The following PDZD9 variants were observed in gnomAD, a reference collection of about 807,000 sequenced individuals.
PDZD9 encodes PDZ domain-containing protein 9.
PDZD9 carries 13 observed loss-of-function variants against 16.3 expected under a neutral mutation model. The ratio of observed to expected loss-of-function variants is 0.80; its 90% CI spans 0.52 to 1.27. PDZD9 has a LOEUF of 1.27. Ranked by LOEUF, PDZD9 falls within the 50% of genes most tolerant of loss-of-function variation. The probability of loss-of-function intolerance (pLI) is 0.00; values close to 1 mark genes in which losing one functional copy is unlikely to be tolerated. For synonymous variants in PDZD9, 120 were observed against 111.0 expected, an observed-to-expected ratio of 1.08 and a Z score of -0.51; for missense variants, 288 against 310.9, an observed-to-expected ratio of 0.93 and a Z score of 0.55.
intron 2 of PDZD9, among the ~76,000 whole-genome samples, chr16:21,990,551 A>G (rs974304022): frequency 2.0e-5 from 3 of 152,222 alleles, no homozygotes; most frequent in African/African-American, 7.2e-5. Context: ...ACAATCAACC[A>G]TGTATCTGAA....
chr16:21,979,439 T>C (rs56036711), downstream of PDZD9, among the ~76,000 whole-genome samples: 89,239 of 152,028 alleles, frequency 0.59, 31,075 homozygotes, highest in Non-Finnish European at 0.78. Flanking sequence ...CAGACAAATC[T>C]AGATGGTATA....
At chr16:21,963,812 A>G in the PDZD9 span, among the ~76,000 whole-genome samples, 1 of 151,996 alleles carries the variant, frequency 6.6e-6, no homozygotes, top group Admixed American at 6.6e-5. Flanking sequence ...CAAATCCTAC[A>G]CCAGTTTATT....
the PDZD9 span, among the ~76,000 whole-genome samples, chr16:21,966,827 T>C: frequency 6.6e-6 from 1 of 152,214 alleles, no homozygotes; most frequent in African/African-American, 2.4e-5. Context: ...AGGATGGCTA[T>C]TGTAATACTA....
rs747966025 is a variant in PDZD9, at chr16:21,984,413, T to C, written c.649A>G (p.Arg217Gly). 6.2e-7 allele frequency: 1 copy of C among 1,614,190 alleles called. No individual in the cohort carries two copies. Among genetic ancestry groups the C allele is most frequent in the South Asian group, 1.1e-5 (1 of 91,086 alleles). The part of the protein sequence containing the change: ...MIHRDDKKEV[R>G]APSPYWIMVK... ...ATTATCCAGTATGGAGAAGGGGCCC[T>C]CACTTCTTTCTTGTCGTCTCTGTGA... The change falls in exon 4 of 4, where the codon AGG becomes GGG. Residue 217 changes from arginine to glycine, a missense_variant. Coordinates refer to ENST00000424898, the MANE Select transcript of PDZD9 (RefSeq NM_001363519.1).
chr16:21,958,185 G>A, the PDZD9 span, among the ~76,000 whole-genome samples: 1 of 152,102 alleles, frequency 6.6e-6, no homozygotes, highest in Non-Finnish European at 1.5e-5. Context: ...GTATCCATAT[G>A]AATGTTGATG....
At chr16:21,977,603 T>A in the PDZD9 span, among the ~76,000 whole-genome samples, 1 of 152,352 alleles carries the variant, frequency 6.6e-6, no homozygotes, top group East Asian at 1.9e-4. Flanking sequence ...TCATTAGTAG[T>A]TCGAGGGTTT....
chr16:21,998,570 T>C (rs980794547), intron 1 of PDZD9, among the ~76,000 whole-genome samples: 4 of 151,930 alleles, frequency 2.6e-5, no homozygotes, highest in African/African-American at 9.7e-5. Context: ...CGCGGGCCTG[T>C]AATCCCAGCT....
chr16:21,969,648 AT>A, the PDZD9 span, among the ~76,000 whole-genome samples: 2 of 152,154 alleles, frequency 1.3e-5, no homozygotes, highest in South Asian at 4.1e-4. Flanking sequence ...CATTTGTAAT[AT>A]TTTTTGTTTT....
intron 2 of PDZD9, among the ~76,000 whole-genome samples, chr16:21,992,092 A>C (rs796572297): frequency 3.2e-4 from 49 of 152,184 alleles, no homozygotes; most frequent in African/African-American, 1.1e-3. Flanking sequence ...GGCCAGGTGA[A>C]GTGGCTCATG....
intron 2 of PDZD9, among the ~76,000 whole-genome samples, chr16:21,992,742 C>G (rs1899054217): frequency 6.6e-6 from 1 of 152,164 alleles, no homozygotes; most frequent in African/African-American, 2.4e-5. Context: ...GGCTTCCCAA[C>G]TTTTGAGGTT....
chr16:21,961,835 A>C, the PDZD9 span, among the ~76,000 whole-genome samples: 5 of 151,292 alleles, frequency 3.3e-5, no homozygotes, highest in Admixed American at 3.3e-4. Context: ...TATTTTCAGT[A>C]GAGACCATGG....
the PDZD9 span, chr16:21,973,895 G>C: frequency 6.2e-7 from 1 of 1,612,470 alleles, no homozygotes. Flanking sequence ...TTATCTTTCA[G>C]GTTTCTGCAT....
chr16:21,975,568 A>G, the PDZD9 span, among the ~76,000 whole-genome samples: 4 of 152,214 alleles, frequency 2.6e-5, no homozygotes, highest in Non-Finnish European at 5.9e-5. Flanking sequence ...TTTACCAAGT[A>G]CCCACATCCC....
chr16:21,962,302 A>G, the PDZD9 span: 1 of 832,302 alleles, frequency 1.2e-6, no homozygotes, highest in Non-Finnish European at 1.8e-6. Flanking sequence ...AAAATTTTGA[A>G]TTTTAGTTGG....
the PDZD9 span, among the ~76,000 whole-genome samples, chr16:21,972,780 AG>A: frequency 6.6e-6 from 1 of 152,202 alleles, no homozygotes; most frequent in African/African-American, 2.4e-5. Flanking sequence ...GAGTATAAAT[AG>A]GATGGCCTCA....
chr16:21,960,547 C>G, the PDZD9 span, among the ~76,000 whole-genome samples: 3 of 152,186 alleles, frequency 2.0e-5, no homozygotes, highest in East Asian at 5.8e-4. Flanking sequence ...TAGTTTTCTT[C>G]AAGAACTGCA....
At chr16:21,972,110 G>A in the PDZD9 span, 1 of 1,613,404 alleles carries the variant, frequency 6.2e-7, no homozygotes, top group Non-Finnish European at 8.5e-7. Context: ...AGGCAACTCA[G>A]CAGCCATTTG....
In PDZD9 at chr16:21,996,267, C is replaced by T; in HGVS notation, c.211+55G>A. On this transcript the variant is annotated intron_variant, in intron 2 of 3. Coordinates refer to ENST00000424898, the MANE Select transcript of PDZD9 (RefSeq NM_001363519.1). Reference sequence around the variant, plus strand: ...CTGAAACCCGGTGACCCGAGTCACCCTGCAGGCAGATGGGCAGGATGGGTG... The same window carrying T: ...CTGAAACCCGGTGACCCGAGTCACCTTGCAGGCAGATGGGCAGGATGGGTG... 4 of 1,480,000 alleles carry T rather than the reference C, an allele frequency of 2.7e-6. 1 individual carries two copies. In the South Asian group the frequency reaches 5.0e-5, roughly 19 times the overall value. The allele number at this position is 1,480,000 out of a possible 1,614,324, so 91.7% of individuals were successfully genotyped here. A position where few individuals can be genotyped will look rare whatever the true frequency, so the allele number is the denominator to read the frequency against.
the PDZD9 span, chr16:21,976,360 A>G: frequency 3.4e-6 from 3 of 891,090 alleles, no homozygotes; most frequent in South Asian, 1.6e-5. Context: ...AGAAAAGCGT[A>G]AAAAGGGAAA....
Sources: allele counts gnomAD v4.1 joint callset (sites outside exome capture counted in the v4.1 genomes callset), GRCh38; gene constraint gnomAD v4.1.1; transcripts MANE v1.5; gene names NCBI Gene and HGNC (gene_info 2026-07-23, HGNC 2026-07-21).